FAM47E: variants seen among roughly 807,000 people sequenced by gnomAD.
FAM47E encodes the protein protein FAM47E.
A neutral mutation model predicts 41.6 loss-of-function variants in FAM47E; 32 were observed. The observed-to-expected ratio is 0.77, with a 90% CI of 0.58 to 1.03. The LOEUF (loss-of-function observed/expected upper bound fraction) is 1.03. Among genes scored for constraint, FAM47E ranks in the 50% least tolerant of loss-of-function variants. FAM47E has a pLI of 0.00. For missense variants in FAM47E, 424 were observed against 485.4 expected (o/e 0.87, Z 1.19); for synonymous variants, 184 against 188.7 (o/e 0.98, Z 0.20).
chr4:76,231,916 T>C (rs895220385), intron 2 of FAM47E, among the ~76,000 whole-genome samples: 3 of 152,224 alleles, frequency 2.0e-5, no homozygotes, highest in Non-Finnish European at 4.4e-5. Context: ...CAAGATTGAC[T>C]CCTTAAAGGA....
chr4:76,263,398 C>T (rs1321235414), intron 2 of FAM47E, among the ~76,000 whole-genome samples: 1 of 151,950 alleles, frequency 6.6e-6, no homozygotes, highest in African/African-American at 2.4e-5. Context: ...CTTTAAAATA[C>T]TTTTTTTGCA....
At chr4:76,229,179 T>C (rs1733451217) in intron 2 of FAM47E, among the ~76,000 whole-genome samples, 1 of 152,238 alleles carries the variant, frequency 6.6e-6, no homozygotes, top group African/African-American at 2.4e-5. Flanking sequence ...GTCTTTGATT[T>C]CCAGAAGTTG....
At chr4:76,275,748 A>T (rs1735069447) in intron 5 of FAM47E, among the ~76,000 whole-genome samples, 1 of 152,190 alleles carries the variant, frequency 6.6e-6, no homozygotes, top group Non-Finnish European at 1.5e-5. Context: ...ACCCAACAAC[A>T]TAACATATTC....
chr4:76,251,688 C>A, upstream of FAM47E: 4 of 1,400,048 alleles, frequency 2.9e-6, no homozygotes, highest in South Asian at 3.1e-5. Flanking sequence ...AGCAACGGGG[C>A]GGCAGCAGGG....
At chr4:76,277,547 TAAAAAAAA>T (rs11330357) in intron 5 of FAM47E, among the ~76,000 whole-genome samples, 1 of 148,654 alleles carries the variant, frequency 6.7e-6, no homozygotes, top group South Asian at 2.1e-4. Context: ...AGCAGTTTGA[TAAAAAAAA>T]AAATATTGTA....
rs1462099198 is a variant in FAM47E, at chr4:76,256,094, C to T, written c.75-84C>T. ...AAGCTGGAGACCAGCCTTTTTACTACCTCCTTCTCCCACCCAAGTCCTGTG... is the reference window on the plus strand; with the variant it reads ...AAGCTGGAGACCAGCCTTTTTACTATCTCCTTCTCCCACCCAAGTCCTGTG... On this transcript the variant is annotated intron_variant, in intron 1 of 7. Coordinates refer to ENST00000424749, the MANE Select transcript of FAM47E (RefSeq NM_001136570.3). 33 of 1,438,456 alleles carry T rather than the reference C, an allele frequency of 2.3e-5. No homozygotes were observed. In the Middle Eastern group the frequency reaches 5.9e-4, roughly 26 times the overall value. 89.1% of individuals were successfully genotyped at this position (1,438,456 alleles called of 1,614,324 possible).
chr4:76,240,096 G>A (rs546139013), intron 2 of FAM47E, among the ~76,000 whole-genome samples: 78 of 152,132 alleles, frequency 5.1e-4, no homozygotes, highest in Non-Finnish European at 5.0e-4. Context: ...ACACTGTTTT[G>A]ATCGCTGTAA....
chr4:76,246,199 C>A (rs1411809597), intron 2 of FAM47E, among the ~76,000 whole-genome samples: 2 of 152,120 alleles, frequency 1.3e-5, no homozygotes, highest in Admixed American at 1.3e-4. Context: ...CTGCTCTGAG[C>A]AATTCTGAGT....
At chr4:76,261,322 G>C (rs973954593) in intron 2 of FAM47E, among the ~76,000 whole-genome samples, 1 of 151,984 alleles carries the variant, frequency 6.6e-6, no homozygotes, top group African/African-American at 2.4e-5. Context: ...TCCACTACTG[G>C]GTATCTACCC....
intron 2 of FAM47E, chr4:76,236,242 T>G (rs1024573447): frequency 5.9e-5 from 9 of 152,234 alleles, no homozygotes; most frequent in Non-Finnish European, 4.4e-5. Context: ...TGTTAAATGA[T>G]TCACTCCAGT....
intron 1 of FAM47E, among the ~76,000 whole-genome samples, chr4:76,254,607 A>G (rs940707770): frequency 5.3e-5 from 8 of 152,204 alleles, no homozygotes; most frequent in Non-Finnish European, 1.0e-4. Flanking sequence ...TCTAGGACTC[A>G]CTAGAGAAGA....
In FAM47E at chr4:76,278,161, G is replaced by T; in HGVS notation, c.963G>T (p.Leu321=). ...AAAAGCAAAGAGTAGACGAGCCTCT[G>T]GTTGACCCTGAGGTCTCACATAAGG... ...LWKKQRVDEP[L]VDPEVSHKAQ... Residue 321 remains leucine (L), a synonymous_variant, in exon 6 of 8, where the codon CTG becomes CTT. Coordinates refer to ENST00000424749, the MANE Select transcript of FAM47E (RefSeq NM_001136570.3). 6.4e-7 allele frequency: 1 copy of T among 1,551,208 alleles called. No homozygotes were observed. Among genetic ancestry groups the T allele is most frequent in the South Asian group, 1.2e-5 (1 of 83,990 alleles).
upstream of FAM47E, among the ~76,000 whole-genome samples, chr4:76,247,044 T>TATTTCAAA (rs901082527): frequency 3.9e-5 from 6 of 152,132 alleles, no homozygotes; most frequent in Non-Finnish European, 7.3e-5. Flanking sequence ...TCATTATCAC[T>TATTTCAAA]ATTTCAAAAT....
At position 76,269,990 on chromosome 4, in the gene FAM47E, G is replaced by C. The variant is rs182990466; in HGVS notation, c.669+1222G>C. 1.5e-3 allele frequency among the ~76,000 whole-genome samples: 234 copies of C among 152,176 alleles called. 3 individuals are homozygous for C. Among genetic ancestry groups the C allele is most frequent in the African/African-American group, 5.4e-3 (223 of 41,514 alleles). On this transcript the variant is annotated intron_variant, in intron 4 of 7. Transcript: ENST00000424749. ...CCCCATCTTTTGAGTGTTAGTTTTA[G>C]TCAATGTATTTTTTTTAGTACTTTA...
chr4:76,242,783 CAT>C (rs1252366327), intron 2 of FAM47E, among the ~76,000 whole-genome samples: 1 of 152,060 alleles, frequency 6.6e-6, no homozygotes, highest in Admixed American at 6.5e-5. Context: ...ATGTTAAAAT[CAT>C]ATTTTTTATG....
chr4:76,233,401 T>C (rs949451201), intron 2 of FAM47E, among the ~76,000 whole-genome samples: 1 of 152,222 alleles, frequency 6.6e-6, no homozygotes, highest in African/African-American at 2.4e-5. Context: ...CCTATTTACA[T>C]TTTAATGACA....
At chr4:76,269,148 T>C in intron 4 of FAM47E, 1 of 194,484 alleles carries the variant, frequency 5.1e-6, no homozygotes, top group East Asian at 1.6e-4. Flanking sequence ...CTCTGGCAGG[T>C]ACTCCTTGAT....
At chr4:76,251,867 G>C in intron 1 of FAM47E, 47 bp downstream of exon 1, 1 of 1,366,594 alleles carries the variant, frequency 7.3e-7, no homozygotes, top group Non-Finnish European at 9.4e-7. Context: ...CGCGGGCCGC[G>C]CGGGGGCGCC....
At chr4:76,224,729 A>T (rs1014583236) in intron 2 of FAM47E, among the ~76,000 whole-genome samples, 5 of 152,000 alleles carry the variant, frequency 3.3e-5, no homozygotes, top group African/African-American at 1.2e-4. Flanking sequence ...GGCCCAGCTA[A>T]TTTTTGTTAT....
Sources: gnomAD v4.1 joint callset for allele counts (sites outside exome capture counted in the v4.1 genomes callset) on GRCh38, gnomAD v4.1.1 for gene constraint, MANE v1.5 for transcripts, NCBI Gene and HGNC (gene_info 2026-07-23, HGNC 2026-07-21) for gene names.